The following LMAN1 variants were observed in gnomAD, a reference collection of about 807,000 sequenced individuals.
LMAN1 encodes lectin, mannose binding 1, also known as protein ERGIC-53.
In LMAN1, 32 loss-of-function variants were observed where a neutral mutation model predicts 67.8. The observed-to-expected ratio is 0.47, with a 90% CI of 0.36 to 0.63. The LOEUF is 0.63. LMAN1 is among the 30% of genes least tolerant of loss of function. LMAN1 has a pLI of 0.00. For missense variants in LMAN1, 632 were observed against 628.2 expected (o/e 1.01, Z -0.06); for synonymous variants, 235 against 219.3 (o/e 1.07, Z -0.63).
At chr18:59,358,981 C>T (rs1225560534) in intron 1 of LMAN1, 50 bp downstream of exon 1, 2 of 1,559,138 alleles carry the variant, frequency 1.3e-6, no homozygotes, top group African/African-American at 1.4e-5. Context: ...GGCGAAGAGG[C>T]AGCAGAAGGG....
At position 59,333,121 on chromosome 18, in the gene LMAN1, C is replaced by T; in HGVS notation, c.1344G>A (p.Arg448=). ...DIKEHLHIVK[R]DIDNLVQRNM... is the part of the protein sequence containing the mutation. ...TTCGCTGCACTAAGTTATCTATGTC[C>T]CTCTTTACTATGTGCAGGTGCTCTT... Residue 448 remains arginine, a synonymous_variant, in exon 11 of 13, where the codon AGG becomes AGA. Coordinates refer to ENST00000251047, the MANE Select transcript of LMAN1 (RefSeq NM_005570.4). 1 of 1,613,402 alleles carries T rather than the reference C, an allele frequency of 6.2e-7. No individual in the cohort carries two copies. Among genetic ancestry groups the T allele is most frequent in the South Asian group, 1.1e-5 (1 of 91,060 alleles).
intron 11 of LMAN1, among the ~76,000 whole-genome samples, chr18:59,332,345 AAAAATGTATATTC>A (rs1305081456): frequency 2.6e-5 from 4 of 152,176 alleles, no homozygotes; most frequent in African/African-American, 9.7e-5. Context: ...CATCTTTGAA[AAAAATGTATATTC>A]AAGGCATATA....
chr18:59,338,996 T>A, intron 8 of LMAN1, 43 bp from the exon 9 acceptor site: 6 of 1,559,564 alleles, frequency 3.8e-6, no homozygotes, highest in Non-Finnish European at 5.3e-6. Context: ...CACCTACACA[T>A]ATGTAGTTTT....
chr18:59,348,592 T>C (rs1375605460), intron 6 of LMAN1, among the ~76,000 whole-genome samples: 1 of 152,264 alleles, frequency 6.6e-6, no homozygotes, highest in Non-Finnish European at 1.5e-5. Context: ...GGCATTGACG[T>C]TGAATGGTAA....
At position 59,334,499 on chromosome 18, in the gene LMAN1, A is replaced by AG. The variant is rs1908099092; in HGVS notation, c.1221-1256dup. Reference sequence around the variant, plus strand: ...CCTATGGGGATAGAATTGTGGTTGAAGGAGGTCATAGTTGGTTTAGGAAAC... The same window carrying AG: ...CCTATGGGGATAGAATTGTGGTTGAAGGGAGGTCATAGTTGGTTTAGGAAAC... On this transcript the variant is annotated intron_variant, in intron 10 of 12. Transcript: ENST00000251047. 3.3e-5 allele frequency among the ~76,000 whole-genome samples: 5 copies of AG among 152,222 alleles called. No homozygotes were observed. The South Asian group carries it at 1.0e-3, about 32-fold the overall frequency.
chr18:59,335,153 G>A (rs1043737647), intron 10 of LMAN1, among the ~76,000 whole-genome samples: 7 of 152,156 alleles, frequency 4.6e-5, no homozygotes, highest in Admixed American at 2.0e-4. Flanking sequence ...GAAAATATGG[G>A]CTGGGTGCAG....
At chr18:59,342,867 T>C (rs1908317735) in intron 8 of LMAN1, among the ~76,000 whole-genome samples, 1 of 152,106 alleles carries the variant, frequency 6.6e-6, no homozygotes, top group Non-Finnish European at 1.5e-5. Context: ...ACATTATCCC[T>C]GTTTGCTAAT....
intron 10 of LMAN1, among the ~76,000 whole-genome samples, chr18:59,336,995 G>A (rs1908173480): frequency 6.6e-6 from 1 of 151,626 alleles, no homozygotes; most frequent in Non-Finnish European, 1.5e-5. Context: ...TAAAATGAAT[G>A]AGCAGAAGGT....
chr18:59,343,320 A>T (rs1908330130), intron 8 of LMAN1, among the ~76,000 whole-genome samples: 1 of 152,062 alleles, frequency 6.6e-6, no homozygotes, highest in Non-Finnish European at 1.5e-5. Flanking sequence ...CATATGGAAA[A>T]AAAAGGGAGC....
chr18:59,356,995 G>A (rs1028707912), intron 1 of LMAN1, among the ~76,000 whole-genome samples: 18 of 152,142 alleles, frequency 1.2e-4, no homozygotes, highest in African/African-American at 3.6e-4. Flanking sequence ...TGAAGGTAAA[G>A]GGCTGTGTTT....
At chr18:59,340,697 A>C (rs1908267752) in intron 8 of LMAN1, among the ~76,000 whole-genome samples, 1 of 152,198 alleles carries the variant, frequency 6.6e-6, no homozygotes, top group South Asian at 2.1e-4. Context: ...CAGAAATATA[A>C]AATAAAAGTT....
Position 59,352,475 on chromosome 18 carries a change from C to T in LMAN1, c.639+727G>A, listed in dbSNP as rs372130113. ...TTCTTATGGGTTAAACTACAGGAAG[C>T]TGTGCAAGGCCTGTTACTGCCCTTT... On this transcript the variant is annotated intron_variant, in intron 5 of 12. Coordinates refer to ENST00000251047, the MANE Select transcript of LMAN1 (RefSeq NM_005570.4). Among the ~76,000 whole-genome samples, 7 of 152,340 alleles carry T rather than the reference C, an allele frequency of 4.6e-5. No homozygotes were observed. In the East Asian group the frequency reaches 9.6e-4, roughly 21 times the overall value.
At chr18:59,338,435 A>T in intron 10 of LMAN1, 122 bp downstream of exon 10, 1 of 764,942 alleles carries the variant, frequency 1.3e-6, no homozygotes, top group Non-Finnish European at 2.3e-6. Context: ...TGTAAAATGA[A>T]TCTAGAACGG....
chr18:59,347,530 C>T lies in LMAN1; in HGVS notation c.805G>A (p.Glu269Lys), dbSNP rs1908445737. The T allele has an allele frequency of 1.2e-6, 2 of 1,608,992 alleles. No homozygotes were observed. The highest frequency in any genetic ancestry group is 1.7e-6 in the Non-Finnish European group (2 of 1,177,562). Residue 269 changes from glutamate (E) to lysine (K), a missense_variant, in exon 7 of 13, where the codon GAA becomes AAA. By Grantham distance (56) the Glu-to-Lys change is moderately conservative. Transcript: ENST00000251047. ...VLSFLTFQLT[E>K]PGKEPPTPDK... ...AAAATTACCGGCTCTTTTCCAGGTT[C>T]AGTCAACTGGAAAGTCAGAAAAGAA...
chr18:59,352,785 C>T (rs1314416988), intron 5 of LMAN1: 1 of 221,250 alleles, frequency 4.5e-6, no homozygotes, highest in African/African-American at 2.3e-5. Context: ...TGCAACGCAG[C>T]ATTTATCACA....
intron 10 of LMAN1, among the ~76,000 whole-genome samples, chr18:59,337,689 T>A (rs1908190267): frequency 6.6e-6 from 1 of 152,240 alleles, no homozygotes; most frequent in South Asian, 2.1e-4. Context: ...TCATCTAGCA[T>A]CATAAATATT....
At chr18:59,350,228 C>T (rs1908510373) in intron 5 of LMAN1, among the ~76,000 whole-genome samples, 1 of 152,124 alleles carries the variant, frequency 6.6e-6, no homozygotes, top group African/African-American at 2.4e-5. Flanking sequence ...GATCATTTAG[C>T]ATTTGGTTCA....
chr18:59,354,440 T>A, intron 4 of LMAN1, 79 bp downstream of exon 4: 1 of 821,154 alleles, frequency 1.2e-6, no homozygotes, highest in Non-Finnish European at 2.1e-6. Flanking sequence ...TGGAAGGTGT[T>A]CAGATTTGAA....
chr18:59,328,852 A>T lies in LMAN1; in HGVS notation c.*2241T>A, dbSNP rs2070730121. 6.6e-6 allele frequency: 1 copy of T among 152,238 alleles called. No homozygotes were observed. Among genetic ancestry groups the T allele is most frequent in the African/African-American group, 2.4e-5 (1 of 41,454 alleles). The allele number at this position is 152,238 out of a possible 1,614,324, so 9.4% of individuals were successfully genotyped here. A position where few individuals can be genotyped will look rare whatever the true frequency, so the allele number is the denominator to read the frequency against. ...CAATTATTAGAACACAAATAGGTAC[A>T]TTAAATAAGGATATAAGCCATTACG... On this transcript the variant is annotated 3_prime_UTR_variant, in exon 13 of 13. Coordinates refer to ENST00000251047, the MANE Select transcript of LMAN1 (RefSeq NM_005570.4).
Sources: gnomAD v4.1 joint callset for allele counts (sites outside exome capture counted in the v4.1 genomes callset) on GRCh38, gnomAD v4.1.1 for gene constraint, MANE v1.5 for transcripts, NCBI Gene and HGNC (gene_info 2026-07-23, HGNC 2026-07-21) for gene names.